The following SCRG1 variants were observed in gnomAD, a reference collection of about 807,000 sequenced individuals.
SCRG1 encodes the protein stimulator of chondrogenesis 1.
SCRG1 carries 3 observed loss-of-function variants against 7.7 expected under a neutral mutation model. The observed-to-expected ratio is 0.39, with a 90% confidence interval of 0.18 to 1.01. The LOEUF is 1.01. SCRG1 is among the 50% of genes least tolerant of loss of function. SCRG1 has a pLI of 0.36. For missense variants in SCRG1, 110 were observed against 117.2 expected (o/e 0.94, Z 0.28); for synonymous variants, 46 against 41.2 (o/e 1.12, Z -0.44).
At chr4:173,468,604 C>G in the SCRG1 span, 2 of 152,160 alleles carry the variant, frequency 1.3e-5, no homozygotes, top group African/African-American at 4.8e-5. Context: ...GGCTCTCTAC[C>G]CTATTTTCTC....
chr4:173,506,131 G>A, the SCRG1 span, among the ~76,000 whole-genome samples: 1 of 152,196 alleles, frequency 6.6e-6, no homozygotes, highest in African/African-American at 2.4e-5. This position sits in a 1 kb window ranked among gnomAD's most constrained non-coding sequence, Gnocchi z 5.3. Flanking sequence ...GGCAAGAAAG[G>A]TGACACTTGA....
the SCRG1 span, among the ~76,000 whole-genome samples, chr4:173,434,744 T>C: frequency 6.6e-6 from 1 of 152,102 alleles, no homozygotes; most frequent in African/African-American, 2.4e-5. Flanking sequence ...GGCAGGAGAA[T>C]TGCTCGAACC....
At chr4:173,389,120 A>G (rs1739334866) in intron 2 of SCRG1, among the ~76,000 whole-genome samples, 1 of 152,214 alleles carries the variant, frequency 6.6e-6, no homozygotes. Flanking sequence ...TTTATGTAGT[A>G]CAGGAAAAAC....
chr4:173,403,448 A>G (rs1739814769), upstream of SCRG1, among the ~76,000 whole-genome samples: 1 of 152,188 alleles, frequency 6.6e-6, no homozygotes, highest in South Asian at 2.1e-4. Context: ...CCCTGGGCAT[A>G]GAGAGTAAGG....
chr4:173,415,005 A>T, the SCRG1 span, among the ~76,000 whole-genome samples: 2 of 152,228 alleles, frequency 1.3e-5, no homozygotes, highest in African/African-American at 4.8e-5. Flanking sequence ...ATTATCTACC[A>T]GGCTCACATC....
chr4:173,441,972 G>C, the SCRG1 span, among the ~76,000 whole-genome samples: 5 of 152,214 alleles, frequency 3.3e-5, no homozygotes, highest in Non-Finnish European at 5.9e-5. Context: ...AGGAGACGAT[G>C]TTGACCTTGT....
the SCRG1 span, among the ~76,000 whole-genome samples, chr4:173,479,789 A>G: frequency 6.6e-6 from 1 of 151,974 alleles, no homozygotes; most frequent in East Asian, 1.9e-4. Flanking sequence ...CAGTATTTGC[A>G]TGGCACCAAA....
At chr4:173,437,718 G>T in the SCRG1 span, among the ~76,000 whole-genome samples, 1 of 152,188 alleles carries the variant, frequency 6.6e-6, no homozygotes, top group African/African-American at 2.4e-5. Flanking sequence ...TATCTTTTAA[G>T]CAGGCTGATG....
At chr4:173,454,340 A>G in the SCRG1 span, among the ~76,000 whole-genome samples, 1 of 152,150 alleles carries the variant, frequency 6.6e-6, no homozygotes. Context: ...AGGAATAGTA[A>G]CAGTGCTAAC....
chr4:173,515,215 C>A, the SCRG1 span, among the ~76,000 whole-genome samples: 1 of 152,160 alleles, frequency 6.6e-6, no homozygotes, highest in Non-Finnish European at 1.5e-5. The surrounding 1 kb of genome is among the most constrained non-coding windows in gnomAD (Gnocchi z 4.6). Context: ...CAGGATTTTT[C>A]CAAGATGGCA....
the SCRG1 span, among the ~76,000 whole-genome samples, chr4:173,452,430 C>T: frequency 6.6e-6 from 1 of 152,126 alleles, no homozygotes. Context: ...AATCCACATA[C>T]AAGTGGACCC....
chr4:173,497,650 C>CAAAAAAA, the SCRG1 span, among the ~76,000 whole-genome samples: 1 of 103,840 alleles, frequency 9.6e-6, no homozygotes, highest in Non-Finnish European at 1.8e-5. Context: ...AGCAAGCAAG[C>CAAAAAAA]AAAAAAAAAA....
chr4:173,418,645 T>C, the SCRG1 span, among the ~76,000 whole-genome samples: 3 of 152,324 alleles, frequency 2.0e-5, no homozygotes, highest in African/African-American at 7.2e-5. Context: ...TGATGTCTAA[T>C]ATGGTTTGGG....
At chr4:173,490,817 A>G in the SCRG1 span, among the ~76,000 whole-genome samples, 2 of 152,284 alleles carry the variant, frequency 1.3e-5, no homozygotes, top group East Asian at 3.9e-4. Context: ...GGAAGCCTCT[A>G]TTGCCCTGGA....
the SCRG1 span, among the ~76,000 whole-genome samples, chr4:173,484,396 T>A: frequency 6.6e-5 from 5 of 75,986 alleles, no homozygotes; most frequent in East Asian, 4.0e-4. Flanking sequence ...TTTTATACAT[T>A]ATATATTATA....
the SCRG1 span, chr4:173,467,880 A>AT: frequency 7.2e-5 from 11 of 152,386 alleles, no homozygotes; most frequent in East Asian, 2.1e-3. Context: ...GGGGAATGAG[A>AT]TTTTCCCCAA....
chr4:173,484,018 A>C, the SCRG1 span, among the ~76,000 whole-genome samples: 1 of 97,630 alleles, frequency 1.0e-5, no homozygotes, highest in Admixed American at 1.6e-4. Context: ...ATTATATAAT[A>C]TATTATAATA....
chr4:173,498,107 A>C, the SCRG1 span, among the ~76,000 whole-genome samples: 1 of 152,302 alleles, frequency 6.6e-6, no homozygotes, highest in African/African-American at 2.4e-5. Context: ...GGATTTACTT[A>C]CTTACATAAT....
the SCRG1 span, among the ~76,000 whole-genome samples, chr4:173,463,292 G>A: frequency 7.2e-5 from 11 of 151,924 alleles, no homozygotes; most frequent in African/African-American, 2.2e-4. Context: ...TTATTTTTTC[G>A]AGAAGAAATC....
Sources: allele counts gnomAD v4.1 joint callset (sites outside exome capture counted in the v4.1 genomes callset), GRCh38; gene constraint gnomAD v4.1.1; non-coding constraint Gnocchi (gnomAD v3.1); transcripts MANE v1.5; gene names NCBI Gene and HGNC (gene_info 2026-07-23, HGNC 2026-07-21).